Variants in CYFIP2 observed in about 807,000 individuals in gnomAD.
The protein encoded by CYFIP2 is cytoplasmic FMR1-interacting protein 2.
A neutral mutation model predicts 158.7 loss-of-function variants in CYFIP2; 29 were observed. That is an observed-to-expected ratio of 0.18 (90% CI 0.14 to 0.25). The LOEUF is 0.25. Among genes scored for constraint, CYFIP2 ranks in the 10% least tolerant of loss-of-function variants. The probability of loss-of-function intolerance (pLI) is 1.00; values close to 1 mark genes in which losing one functional copy is unlikely to be tolerated. For synonymous variants in CYFIP2, 585 were observed against 617.6 expected (o/e 0.95, Z 0.78); for missense variants, 852 against 1,639.5 (o/e 0.52, Z 8.29).
chr5:157,359,344 C>T (rs1246114949), intron 24 of CYFIP2, among the ~76,000 whole-genome samples, 196 bp downstream of exon 24: 1 of 152,212 alleles, frequency 6.6e-6, no homozygotes. Context: ...TTTCTGTGCA[C>T]ATTTTGACCT....
intron 26 of CYFIP2, among the ~76,000 whole-genome samples, chr5:157,370,915 T>C (rs1027503857): frequency 1.3e-5 from 2 of 152,186 alleles, no homozygotes; most frequent in Admixed American, 1.3e-4. Flanking sequence ...AAGCAAGGCA[T>C]AGATTGACAG....
intron 15 of CYFIP2, 59 bp from the exon 16 acceptor site, chr5:157,323,862 C>T: frequency 1.4e-6 from 2 of 1,442,210 alleles, no homozygotes; most frequent in Non-Finnish European, 1.8e-6. Flanking sequence ...ATGAAGCAAC[C>T]TTTTTCCCCG....
At chr5:157,293,750 A>T (rs1758025187) in intron 3 of CYFIP2, among the ~76,000 whole-genome samples, 1 of 152,290 alleles carries the variant, frequency 6.6e-6, no homozygotes, top group South Asian at 2.1e-4. Flanking sequence ...TATTGCAGTA[A>T]AGAAAGAGTT....
At chr5:157,364,817 GACT>G (rs1764215474) in intron 26 of CYFIP2, 1 of 150,896 alleles carries the variant, frequency 6.6e-6, no homozygotes, top group Non-Finnish European at 1.5e-5. Context: ...AATGAAAGAA[GACT>G]ACTAATTGCC....
At chr5:157,349,757 A>G (rs1035958594) in intron 23 of CYFIP2, among the ~76,000 whole-genome samples, 1 of 152,210 alleles carries the variant, frequency 6.6e-6, no homozygotes, top group African/African-American at 2.4e-5. Context: ...TTCCCTTTTC[A>G]CCACATCCAC....
intron 1 of CYFIP2, among the ~76,000 whole-genome samples, chr5:157,279,090 C>G (rs1347789140): frequency 6.6e-6 from 1 of 152,162 alleles, no homozygotes; most frequent in Non-Finnish European, 1.5e-5. Flanking sequence ...ACAATTAATT[C>G]TATAAATTTA....
rs373467559 is a variant in CYFIP2 at position 157,333,409 on chromosome 5, T to C, written c.2348T>C (p.Ile783Thr). 8.1e-6 allele frequency: 13 copies of C among 1,613,890 alleles called. No individual in the cohort carries two copies. In the African/African-American group the frequency reaches 1.7e-4, roughly 22 times the overall value. ...ATGTATAAATCCTTGGACCAAGCTA[T>C]CAGCCGCTTTGAGAGTGAGGACCTG... ...AAMYKSLDQA[I>T]SRFESEDLTS... Residue 783 changes from isoleucine to threonine, a missense_variant, in exon 21 of 31, where the codon ATC becomes ACC. By Grantham distance (89) the Ile-to-Thr change is moderately conservative (BLOSUM62 -1). Around this residue, in one of 8 missense-constraint regions of CYFIP2, gnomAD observed 191 missense variants for 311.2 expected, o/e 0.61. Coordinates refer to ENST00000620254, the MANE Select transcript of CYFIP2 (RefSeq NM_001037333.3).
chr5:157,362,810 A>C, intron 26 of CYFIP2: 1 of 152,292 alleles, frequency 6.6e-6, no homozygotes, highest in East Asian at 1.9e-4. Flanking sequence ...AGGTTGAGGA[A>C]GGACTTCTCT....
intron 19 of CYFIP2, among the ~76,000 whole-genome samples, chr5:157,328,350 A>G (rs1319695312): frequency 1.3e-5 from 2 of 152,166 alleles, no homozygotes; most frequent in East Asian, 3.8e-4. Context: ...CGATGGTTAA[A>G]CCTTTGGGGG....
chr5:157,345,168 A>G (rs915765563), intron 23 of CYFIP2, among the ~76,000 whole-genome samples: 1 of 152,192 alleles, frequency 6.6e-6, no homozygotes, highest in African/African-American at 2.4e-5. Flanking sequence ...ACATCACTAT[A>G]AATACACTTT....
intron 13 of CYFIP2, among the ~76,000 whole-genome samples, chr5:157,317,252 C>T (rs1760225720): frequency 6.6e-6 from 1 of 151,892 alleles, no homozygotes; most frequent in Non-Finnish European, 1.5e-5. Context: ...GAGGTTTTAT[C>T]ATTTTTATCT....
intron 3 of CYFIP2, among the ~76,000 whole-genome samples, chr5:157,291,973 A>G (rs1757854965): frequency 6.6e-6 from 1 of 152,088 alleles, no homozygotes. Context: ...GCATATTCAC[A>G]ATGTTATACA....
intron 23 of CYFIP2, among the ~76,000 whole-genome samples, chr5:157,345,174 A>G (rs1456039855): frequency 6.6e-6 from 1 of 152,128 alleles, no homozygotes; most frequent in South Asian, 2.1e-4. Flanking sequence ...CTATAAATAC[A>G]CTTTCGACCA....
At position 157,361,770 on chromosome 5, in the gene CYFIP2, C is replaced by T. The variant is rs1016831516; in HGVS notation, c.3039+172C>T. ...ATTCTAGTCCTGGCTCCCCCATTCA[C>T]GATTAGTGCAGTTGTCTAGGTCTCA... is the stretch of plus-strand genomic sequence containing the variant. On this transcript the variant is annotated intron_variant, in intron 26 of 30. Coordinates refer to ENST00000620254, the MANE Select transcript of CYFIP2 (RefSeq NM_001037333.3). This position sits in a 1 kb window ranked among gnomAD's most constrained non-coding sequence, Gnocchi z 4.4. Among the ~76,000 whole-genome samples the T allele has an allele frequency of 5.9e-5, 9 of 152,164 alleles. No individual in the cohort carries two copies. Among genetic ancestry groups the T allele is most frequent in the Admixed American group, 6.5e-5 (1 of 15,286 alleles).
intron 23 of CYFIP2, among the ~76,000 whole-genome samples, chr5:157,356,778 CT>C (rs1763439114): frequency 6.6e-6 from 1 of 152,242 alleles, no homozygotes; most frequent in South Asian, 2.1e-4. Context: ...CCTCAGTCAC[CT>C]CAACCTAGTA....
chr5:157,389,109 G>A, intron 28 of CYFIP2, 80 bp from the exon 29 acceptor site: 1 of 1,381,908 alleles, frequency 7.2e-7, no homozygotes. Context: ...GCCAGCTCCA[G>A]AGTTCGGGAA....
rs1439968130 is a variant in CYFIP2, at chr5:157,395,530, G to A, written c.*2530G>A. 2.3e-6 allele frequency: 2 copies of A among 853,962 alleles called. No individual in the cohort carries two copies. Among genetic ancestry groups the A allele is most frequent in the Non-Finnish European group, 3.4e-6 (2 of 594,550 alleles). 52.9% of individuals were successfully genotyped at this position (853,962 alleles called of 1,614,324 possible). ...TGATATTTTGATTTGTATTTTGGGGGTACCTGTGTTGAGTTGATAAACATT... is the reference window on the plus strand; with the variant it reads ...TGATATTTTGATTTGTATTTTGGGGATACCTGTGTTGAGTTGATAAACATT... On this transcript the variant is annotated 3_prime_UTR_variant, in exon 31 of 31. Transcript: ENST00000620254.
chr5:157,368,710 G>T (rs1764669307), intron 26 of CYFIP2, among the ~76,000 whole-genome samples: 1 of 137,546 alleles, frequency 7.3e-6, no homozygotes, highest in South Asian at 2.2e-4. Flanking sequence ...GGGAAAAAAT[G>T]GTCTGACAGT....
At chr5:157,337,481 A>G (rs192927020) in intron 21 of CYFIP2, among the ~76,000 whole-genome samples, 118 of 152,264 alleles carry the variant, frequency 7.7e-4, no homozygotes, top group African/African-American at 2.5e-3. Flanking sequence ...AGTTGATCTC[A>G]CTTACCTGAC....
Sources: allele counts gnomAD v4.1 joint callset (sites outside exome capture counted in the v4.1 genomes callset), GRCh38; gene constraint gnomAD v4.1.1; regional missense constraint gnomAD v4.1.1; non-coding constraint Gnocchi (gnomAD v3.1); transcripts MANE v1.5; gene names NCBI Gene and HGNC (gene_info 2026-07-23, HGNC 2026-07-21).